CLCF1: variants seen among roughly 807,000 people sequenced by gnomAD.
CLCF1 encodes the protein cardiotrophin-like cytokine factor 1.
A neutral mutation model predicts 21.2 loss-of-function variants in CLCF1; 10 were observed. The observed-to-expected ratio is 0.47, with a 90% CI of 0.29 to 0.80. CLCF1 has a LOEUF of 0.80. Ranked by LOEUF, CLCF1 falls within the 30% of genes least tolerant of loss-of-function variation. The pLI is 0.09. For synonymous variants in CLCF1, 115 were observed against 120.5 expected, an observed-to-expected ratio of 0.95 and a Z score of 0.30; for missense variants, 240 against 293.4, an observed-to-expected ratio of 0.82 and a Z score of 1.33.
rs545058315 is a variant in CLCF1 at position 67,365,945 on chromosome 11, G to C, written c.184-315C>G. Among the ~76,000 whole-genome samples the C allele has an allele frequency of 1.3e-5, 2 of 152,180 alleles. No homozygotes were observed. Among genetic ancestry groups the C allele is most frequent in the Admixed American group, 6.5e-5 (1 of 15,288 alleles). Reference sequence around the variant, plus strand: ...GTGGGCAAACCTTGGGAGAGTGCCCGCTGTGGGGGCAGGACAGAGAGGAAG... The same window carrying C: ...GTGGGCAAACCTTGGGAGAGTGCCCCCTGTGGGGGCAGGACAGAGAGGAAG... On this transcript the variant is annotated intron_variant, in intron 2 of 2. Transcript: ENST00000312438. This position sits in a 1 kb window ranked among gnomAD's most constrained non-coding sequence, Gnocchi z 5.0.
intron 1 of CLCF1, chr11:67,369,861 G>C: frequency 1.0e-6 from 1 of 985,402 alleles, no homozygotes; most frequent in Non-Finnish European, 1.2e-6. Context: ...GGGGAGATCA[G>C]CTCCCTACAC....
Position 67,369,412 on chromosome 11 carries a change from G to C in CLCF1, c.17-1786C>G, listed in dbSNP as rs1390690523. ...TGGGGAGACCAGCTCACCCTTTCCT[G>C]TCCCCTCTGAGCTTGTGGCTTCCTC... On this transcript the variant is annotated intron_variant, in intron 1 of 2. Transcript: ENST00000312438. 4.1e-6 allele frequency: 4 copies of C among 985,392 alleles called. No homozygotes were observed. In the Admixed American group the frequency reaches 2.5e-4, roughly 61 times the overall value. The allele number at this position is 985,392 out of a possible 1,614,324, so 61.0% of individuals were successfully genotyped here. A position where few individuals can be genotyped will look rare whatever the true frequency, so the allele number is the denominator to read the frequency against.
chr11:67,369,301 CAG>C, intron 1 of CLCF1: 1 of 985,342 alleles, frequency 1.0e-6, no homozygotes, highest in African/African-American at 1.7e-5. Flanking sequence ...CCACAAGTCA[CAG>C]GGTCTTGGTT....
Position 67,365,732 on chromosome 11 carries a change from A to C in CLCF1, c.184-102T>G. On this transcript the variant is annotated intron_variant, in intron 2 of 2. Transcript: ENST00000312438. The surrounding 1 kb of genome is among the most constrained non-coding windows in gnomAD (Gnocchi z 5.0). Reference sequence around the variant, plus strand: ...AAGTTTCTATTTTTTGTGTCCCCTGACACTGGCCCTGTCTCCATGCTAGGC... The same window carrying C: ...AAGTTTCTATTTTTTGTGTCCCCTGCCACTGGCCCTGTCTCCATGCTAGGC... 1 of 1,484,990 alleles carries C rather than the reference A, an allele frequency of 6.7e-7. No individual in the cohort carries two copies. Among genetic ancestry groups the C allele is most frequent in the Non-Finnish European group, 9.0e-7 (1 of 1,112,766 alleles). 92.0% of individuals were successfully genotyped at this position (1,484,990 alleles called of 1,614,324 possible). A position where few individuals can be genotyped will look rare whatever the true frequency, so the allele number is the denominator to read the frequency against.
rs1308973129 is a variant in CLCF1 at position 67,370,934 on chromosome 11, T to C, written c.16+2590A>G. The C allele has an allele frequency of 7.1e-6, 7 of 985,288 alleles. No homozygotes were observed. In the African/African-American group the frequency reaches 1.0e-4, roughly 15 times the overall value. 61.0% of individuals were successfully genotyped at this position (985,288 alleles called of 1,614,324 possible). On this transcript the variant is annotated intron_variant, in intron 1 of 2. Coordinates refer to ENST00000312438, the MANE Select transcript of CLCF1 (RefSeq NM_013246.3). ...ACTGCAGAGCTCCAGAGGTGGGGCA[T>C]GGTGGCCTCAGGCTGGGCTGAATAT...
At chr11:67,373,841 G>C (rs1862289844), upstream of CLCF1, 1 of 1,017,324 alleles carries the variant, frequency 9.8e-7, no homozygotes, top group Non-Finnish European at 1.2e-6. Flanking sequence ...CCACAGCACC[G>C]AGGGGGGGTG....
intron 1 of CLCF1, 160 bp from the exon 2 acceptor site, chr11:67,367,786 G>A: frequency 1.0e-6 from 1 of 985,412 alleles, no homozygotes; most frequent in Non-Finnish European, 1.2e-6. Flanking sequence ...AAACACTCCT[G>A]GCAAGACGGG....
At chr11:67,371,960 A>C (rs550706432) in intron 1 of CLCF1, among the ~76,000 whole-genome samples, 10 of 152,032 alleles carry the variant, frequency 6.6e-5, no homozygotes, top group African/African-American at 2.4e-4. Flanking sequence ...GCCGGGTGAC[A>C]ATTGCCATCT....
intron 1 of CLCF1, chr11:67,369,083 A>G: frequency 1.0e-6 from 1 of 985,240 alleles, no homozygotes; most frequent in South Asian, 4.7e-5. Context: ...TCAAGAAAGA[A>G]TGAAGACTAG....
rs774182313 is a variant in CLCF1, at chr11:67,365,260, A to C, written c.554T>G (p.Phe185Cys). The change falls in exon 3 of 3, where the codon TTC becomes TGC. Residue 185 changes from phenylalanine to cysteine, a missense_variant. Phe to Cys is a radical substitution (Grantham distance 205). Transcript: ENST00000312438. The surrounding 1 kb of genome is among the most constrained non-coding windows in gnomAD (Gnocchi z 5.0). Reference protein sequence around the residue: ...HSDFLQKMDDFWLLKELQTWL... With the variant: ...HSDFLQKMDDCWLLKELQTWL... ...GGTCTGCAGCTCCTTCAGCAGCCAG[A>C]AGTCGTCCATCTTCTGGAGGAAGTC... The C allele has an allele frequency of 1.9e-6, 3 of 1,614,006 alleles. No homozygotes were observed. The highest frequency in any genetic ancestry group is 2.5e-6 in the Non-Finnish European group (3 of 1,180,034).
upstream of CLCF1, chr11:67,373,734 G>A (rs1216075542): frequency 2.5e-5 from 29 of 1,163,662 alleles, no homozygotes; most frequent in Non-Finnish European, 3.1e-5. Flanking sequence ...TTTTTCTGAC[G>A]TGTAAAGCTG....
intron 1 of CLCF1, chr11:67,369,398 G>GC: frequency 1.0e-6 from 1 of 985,370 alleles, no homozygotes; most frequent in Non-Finnish European, 1.2e-6. Flanking sequence ...GGGGAGACCA[G>GC]CTCACCCTTT....
chr11:67,371,281 G>A (rs1862227913), intron 1 of CLCF1, among the ~76,000 whole-genome samples: 1 of 152,220 alleles, frequency 6.6e-6, no homozygotes, highest in South Asian at 2.1e-4. Flanking sequence ...AGCTTGGTGA[G>A]TGGGGACACA....
upstream of CLCF1, chr11:67,374,117 C>G: frequency 1.0e-5 from 10 of 985,870 alleles, no homozygotes; most frequent in Non-Finnish European, 1.2e-5. Context: ...CTCCTCCTCC[C>G]CCTTGAGTAA....
chr11:67,368,843 A>G (rs1347489291), intron 1 of CLCF1: 1 of 977,056 alleles, frequency 1.0e-6, no homozygotes, highest in African/African-American at 1.8e-5. Flanking sequence ...GAGCAGGGCT[A>G]GTTTGGGTTT....
In CLCF1 at chr11:67,370,630, A is replaced by T. The variant is rs79479850; in HGVS notation, c.16+2894T>A. On this transcript the variant is annotated intron_variant, in intron 1 of 2. Transcript: ENST00000312438. ...CTCATGAACACACACACACACACAC[A>T]CTCTCTCTCTCTTAGCCCAAGGAAG... 2,416 of 879,580 alleles carry T rather than the reference A, an allele frequency of 2.7e-3. 27 individuals are homozygous for T. In the African/African-American group the frequency reaches 0.053, roughly 19 times the overall value. 54.5% of individuals were successfully genotyped at this position (879,580 alleles called of 1,614,324 possible). A position where few individuals can be genotyped will look rare whatever the true frequency, so the allele number is the denominator to read the frequency against.
rs1426499969 is a variant in CLCF1, at chr11:67,365,645, G to A, written c.184-15C>T. 2 of 1,596,590 alleles carry A rather than the reference G, an allele frequency of 1.3e-6. No homozygotes were observed. The highest frequency in any genetic ancestry group is 1.1e-5 in the South Asian group (1 of 89,706). On this transcript the variant is annotated splice_polypyrimidine_tract_variant and intron_variant, in intron 2 of 2. Transcript: ENST00000312438. This position sits in a 1 kb window ranked among gnomAD's most constrained non-coding sequence, Gnocchi z 5.0. ...AGGTAGTTCAGCTGTGAAAAGGAGA[G>A]GGTGATGGGGAAGGAGGAGGGCAGA...
rs771003236 is a variant in CLCF1 at position 67,364,899 on chromosome 11, T to G, written c.*237A>C. ...GAACCACTTCACACTCCCTCGAGCA[T>G]GACTTCCTGTAGAAACAGGACAGGA... On this transcript the variant is annotated 3_prime_UTR_variant, in exon 3 of 3. Coordinates refer to ENST00000312438, the MANE Select transcript of CLCF1 (RefSeq NM_013246.3). The G allele has an allele frequency of 1.6e-6, 1 of 614,124 alleles. No homozygotes were observed. Among genetic ancestry groups the G allele is most frequent in the Non-Finnish European group, 2.8e-6 (1 of 362,620 alleles). 38.0% of individuals were successfully genotyped at this position (614,124 alleles called of 1,614,324 possible).
Position 67,367,505 on chromosome 11 carries a change from G to A in CLCF1, c.138C>T (p.Leu46=). ...PGPSIQKTYD[L]TRYLEHQLRS... ...GGAGTTGGTGCTCCAGGTAGCGGGT[G>A]AGGTCATAGGTTTTCTGGATGGAGG... Residue 46 remains leucine, a synonymous_variant, in exon 2 of 3, where the codon CTC becomes CTT. Coordinates refer to ENST00000312438, the MANE Select transcript of CLCF1 (RefSeq NM_013246.3). 1 of 1,614,250 alleles carries A rather than the reference G, an allele frequency of 6.2e-7. No homozygotes were observed. Among genetic ancestry groups the A allele is most frequent in the East Asian group, 2.2e-5 (1 of 44,882 alleles).
Sources: gnomAD v4.1 joint callset for allele counts (sites outside exome capture counted in the v4.1 genomes callset) on GRCh38, gnomAD v4.1.1 for gene constraint, Gnocchi (gnomAD v3.1) non-coding constraint, MANE v1.5 for transcripts, NCBI Gene and HGNC (gene_info 2026-07-23, HGNC 2026-07-21) for gene names.